Variants in NRG1 observed in about 807,000 individuals in gnomAD.
NRG1 encodes pro-neuregulin-1, membrane-bound isoform.
NRG1 carries 18 observed loss-of-function variants against 63.8 expected under a neutral mutation model. That is an observed-to-expected ratio of 0.28 (90% CI 0.19 to 0.42). The LOEUF is 0.42. Among genes scored for constraint, NRG1 ranks in the 10% least tolerant of loss-of-function variants. The pLI, the probability that NRG1 is intolerant of heterozygous loss-of-function variation, is 1.00. For missense variants in NRG1, 762 were observed against 814.7 expected (o/e 0.94, Z 0.79); for synonymous variants, 302 against 301.3 (o/e 1.00, Z -0.02).
chr8:32,011,144 C>T (rs1202257059), intron 1 of NRG1, among the ~76,000 whole-genome samples: 6 of 152,074 alleles, frequency 3.9e-5, no homozygotes, highest in Non-Finnish European at 8.8e-5. Flanking sequence ...TACGGCTTCT[C>T]ACCACGATGT....
intron 1 of NRG1, among the ~76,000 whole-genome samples, chr8:32,031,748 A>G (rs1022723826): frequency 6.6e-6 from 1 of 152,090 alleles, no homozygotes; most frequent in African/African-American, 2.4e-5. Flanking sequence ...TGCTGAGGAT[A>G]ATGGCTTCCA....
chr8:31,864,212 A>G (rs574957367), intron 1 of NRG1, among the ~76,000 whole-genome samples: 1 of 152,308 alleles, frequency 6.6e-6, no homozygotes, highest in African/African-American at 2.4e-5. Context: ...TGCATTGAGC[A>G]TCCATGTGTG....
intron 1 of NRG1, among the ~76,000 whole-genome samples, chr8:32,383,349 A>G (rs1044624150): frequency 2.0e-5 from 3 of 152,208 alleles, no homozygotes; most frequent in African/African-American, 4.8e-5. Context: ...TTCTATCAGA[A>G]TGAAAGAAAG....
intron 1 of NRG1, among the ~76,000 whole-genome samples, chr8:31,813,521 T>TTTTCTTTTCTTTTCTTTTC (rs1267961663): frequency 2.2e-4 from 5 of 22,284 alleles, no homozygotes; most frequent in East Asian, 0.022. Context: ...CTTTTCTTTT[T>TTTTCTTTTCTTTTCTTTTC]TTTTTTTTTT....
intron 1 of NRG1, among the ~76,000 whole-genome samples, chr8:32,252,498 T>C (rs948045425): frequency 2.0e-5 from 3 of 152,184 alleles, no homozygotes; most frequent in Admixed American, 2.0e-4. Context: ...AAAAATCAGA[T>C]AGTTGTAGAT....
chr8:31,959,465 A>G (rs1449033611), intron 1 of NRG1, among the ~76,000 whole-genome samples: 1 of 152,168 alleles, frequency 6.6e-6, no homozygotes, highest in Non-Finnish European at 1.5e-5. Flanking sequence ...GTTCAGCATC[A>G]CCAGGCAATA....
chr8:31,682,421 T>A lies in NRG1; in HGVS notation c.37+42990T>A, dbSNP rs184223492. ...ACAACCAACAAATAAAGGAAATAAC[T>A]CAGAGGTTCGTTAGCAGAATGATTT... is the stretch of plus-strand genomic sequence containing the variant. On this transcript the variant is annotated intron_variant, in intron 1 of 10. Coordinates refer to the NRG1 transcript ENST00000519301. 2.6e-5 allele frequency among the ~76,000 whole-genome samples: 4 copies of A among 152,232 alleles called. No homozygotes were observed. In the East Asian group the frequency reaches 7.7e-4, roughly 29 times the overall value.
At chr8:31,678,357 A>T (rs1807946005) in intron 1 of NRG1, among the ~76,000 whole-genome samples, 1 of 152,144 alleles carries the variant, frequency 6.6e-6, no homozygotes, top group Admixed American at 6.6e-5. Flanking sequence ...AACCAGATTA[A>T]CTTGGTTTGA....
chr8:31,806,156 C>T (rs188820321), intron 1 of NRG1, among the ~76,000 whole-genome samples: 45 of 152,016 alleles, frequency 3.0e-4, no homozygotes, highest in African/African-American at 1.0e-3. Context: ...TTATAATAGT[C>T]AAAAAGAAAA....
At chr8:32,366,087 A>G (rs986605857) in intron 1 of NRG1, among the ~76,000 whole-genome samples, 1 of 152,194 alleles carries the variant, frequency 6.6e-6, no homozygotes, top group African/African-American at 2.4e-5. Flanking sequence ...ATATCTGAGT[A>G]TTTCTAATTA....
intron 1 of NRG1, among the ~76,000 whole-genome samples, chr8:32,536,009 A>G (rs888796314): frequency 6.6e-6 from 1 of 152,210 alleles, no homozygotes. Context: ...ACACTACATC[A>G]ATTAAAATTA....
chr8:32,358,415 G>A (rs1806760745), intron 1 of NRG1, among the ~76,000 whole-genome samples: 1 of 147,216 alleles, frequency 6.8e-6, no homozygotes, highest in Non-Finnish European at 1.5e-5. Context: ...TCTCCTCTCT[G>A]TTATGATAGG....
intron 1 of NRG1, among the ~76,000 whole-genome samples, chr8:32,393,919 G>A (rs557391635): frequency 6.6e-6 from 1 of 152,276 alleles, no homozygotes; most frequent in East Asian, 1.9e-4. Flanking sequence ...TTGGTCTCCA[G>A]TGTTAAATAT....
intron 5 of NRG1, among the ~76,000 whole-genome samples, chr8:32,650,300 G>T (rs943173890): frequency 1.3e-5 from 2 of 151,982 alleles, no homozygotes; most frequent in African/African-American, 4.8e-5. Context: ...AAGCATCATT[G>T]TGGCCAGTTT....
intron 1 of NRG1, among the ~76,000 whole-genome samples, chr8:32,135,836 A>G (rs1835436372): frequency 6.6e-6 from 1 of 152,090 alleles, no homozygotes; most frequent in South Asian, 2.1e-4. Context: ...TAGATATGAA[A>G]GAGAAGGACA....
chr8:31,908,213 G>C (rs960476673), intron 1 of NRG1, among the ~76,000 whole-genome samples: 1 of 152,142 alleles, frequency 6.6e-6, no homozygotes, highest in Non-Finnish European at 1.5e-5. Context: ...AGAGAAAAAA[G>C]ATTAAAATGT....
chr8:32,649,491 C>T (rs892395856), intron 5 of NRG1, among the ~76,000 whole-genome samples: 3 of 152,154 alleles, frequency 2.0e-5, no homozygotes, highest in Non-Finnish European at 4.4e-5. Context: ...TTCTTAATAA[C>T]TTGCATGAAA....
At chr8:32,199,676 A>G (rs1442653795) in intron 1 of NRG1, among the ~76,000 whole-genome samples, 1 of 152,224 alleles carries the variant, frequency 6.6e-6, no homozygotes, top group Non-Finnish European at 1.5e-5. Flanking sequence ...AAGTCCAATA[A>G]CATATTTCTA....
intron 1 of NRG1, among the ~76,000 whole-genome samples, chr8:32,003,217 A>T (rs1586402035): frequency 6.6e-6 from 1 of 152,056 alleles, no homozygotes; most frequent in Admixed American, 6.6e-5. Context: ...TGTATTGCAA[A>T]CTCTAAAGAA....
Sources: allele counts gnomAD v4.1 joint callset (sites outside exome capture counted in the v4.1 genomes callset), GRCh38; gene constraint gnomAD v4.1.1; transcripts MANE v1.5; gene names NCBI Gene and HGNC (gene_info 2026-07-23, HGNC 2026-07-21).